ATAD2: variants seen among roughly 807,000 people sequenced by gnomAD.
The protein encoded by ATAD2 is ATPase family AAA domain-containing protein 2.
A neutral mutation model predicts 168.9 loss-of-function variants in ATAD2; 62 were observed. That is an observed-to-expected ratio of 0.37 (90% CI 0.30 to 0.45). The LOEUF is 0.45. ATAD2 is among the 20% of genes least tolerant of loss of function. The pLI is 1.00. For synonymous variants in ATAD2, 613 were observed against 571.6 expected, an observed-to-expected ratio of 1.07 and a Z score of -1.03; for missense variants, 1,419 against 1,667.8, an observed-to-expected ratio of 0.85 and a Z score of 2.60.
rs1258243769 is a variant in ATAD2, at chr8:123,323,083, G to A, written c.4003-17C>T. The A allele has an allele frequency of 1.9e-6, 3 of 1,599,656 alleles. No individual in the cohort carries two copies. Among genetic ancestry groups the A allele is most frequent in the South Asian group, 1.1e-5 (1 of 89,438 alleles). ...CAAAAGATTCTAAAAGAAAATATGA[G>A]TGTCAATATGTGTGAGAGAGAAACT... is the stretch of plus-strand genomic sequence containing the variant. On this transcript the variant is annotated splice_polypyrimidine_tract_variant and intron_variant, in intron 26 of 27. Transcript: ENST00000287394.
intron 13 of ATAD2, among the ~76,000 whole-genome samples, chr8:123,351,001 G>C (rs1273054982): frequency 6.6e-6 from 1 of 152,040 alleles, no homozygotes; most frequent in Non-Finnish European, 1.5e-5. Context: ...CTCCCAAAGT[G>C]CTGGGATTAC....
chr8:123,385,138 T>C (rs1438067291), intron 1 of ATAD2, among the ~76,000 whole-genome samples: 1 of 152,242 alleles, frequency 6.6e-6, no homozygotes, highest in Non-Finnish European at 1.5e-5. Context: ...TGAGTACCAT[T>C]ACAGCTATAC....
chr8:123,326,659 CAGAGCA>C (rs1827624701), intron 25 of ATAD2, among the ~76,000 whole-genome samples: 3 of 152,162 alleles, frequency 2.0e-5, no homozygotes, highest in East Asian at 3.9e-4. Context: ...GCCTGGATGA[CAGAGCA>C]AGACTCTGTC....
chr8:123,365,709 T>C (rs1476358177), intron 8 of ATAD2, among the ~76,000 whole-genome samples: 2 of 152,128 alleles, frequency 1.3e-5, no homozygotes, highest in Non-Finnish European at 2.9e-5. Context: ...GATAATTGGG[T>C]AGCCACATGT....
rs758934199 is a variant in ATAD2, at chr8:123,325,929, A to G, written c.3966T>C (p.Pro1322=). Residue 1322 remains proline (P), a synonymous_variant, in exon 26 of 28, where the codon CCT becomes CCC. Transcript: ENST00000287394. ...CATGATCCACAACAAGTGAGGGTGTAGGCTGAGAAAGAATTGCCAAAGCCT... is the reference window on the plus strand; with the variant it reads ...CATGATCCACAACAAGTGAGGGTGTGGGCTGAGAAAGAATTGCCAAAGCCT... ...VEKALAILSQ[P]TPSLVVDHER... is the part of the protein sequence containing the mutation. The G allele has an allele frequency of 4.3e-6, 7 of 1,614,186 alleles. No homozygotes were observed. The South Asian group carries it at 6.6e-5, about 15-fold the overall frequency.
chr8:123,328,650 C>T, intron 24 of ATAD2, 71 bp from the exon 25 acceptor site: 1 of 1,401,722 alleles, frequency 7.1e-7, no homozygotes, highest in Non-Finnish European at 9.5e-7. Context: ...AGTGAAAAAC[C>T]CTGATATATG....
chr8:123,354,982 T>G (rs763131280), intron 13 of ATAD2, among the ~76,000 whole-genome samples: 44 of 149,522 alleles, frequency 2.9e-4, no homozygotes, highest in Non-Finnish European at 1.0e-4. Context: ...CAGTAAGTAC[T>G]CAACTTACTT....
intron 17 of ATAD2, 141 bp from the exon 18 acceptor site, chr8:123,346,413 G>A: frequency 9.9e-7 from 1 of 1,006,892 alleles, no homozygotes; most frequent in Non-Finnish European, 1.4e-6. Context: ...CATAGTTTCT[G>A]GAAACTGACC....
chr8:123,334,283 G>C lies in ATAD2; in HGVS notation c.3251C>G (p.Thr1084Ser). ...IRHRACALRD[T>S]AYAIIKEELD... Reference sequence around the variant, plus strand: ...TTCTTCTTTAATTATGGCATAGGCAGTATCTCTTAAAGCACAGGCTCTATG... The same window carrying C: ...TTCTTCTTTAATTATGGCATAGGCACTATCTCTTAAAGCACAGGCTCTATG... The change falls in exon 23 of 28, where the codon ACT (threonine) becomes AGT (serine). Residue 1084 changes from threonine (T) to serine (S), a missense_variant. This residue lies in a region of ATAD2 where 545 missense variants were observed against 724.9 expected (regional missense o/e 0.75). Transcript: ENST00000287394. 6.3e-7 allele frequency: 1 copy of C among 1,598,100 alleles called. No homozygotes were observed. The highest frequency in any genetic ancestry group is 2.2e-5 in the East Asian group (1 of 44,764).
At chr8:123,383,193 C>A (rs537226965) in intron 1 of ATAD2, among the ~76,000 whole-genome samples, 37 of 152,024 alleles carry the variant, frequency 2.4e-4, no homozygotes, top group Admixed American at 9.2e-4. Flanking sequence ...CAGGGCCTTT[C>A]GGGGAGTGGG....
At chr8:123,359,131 T>C (rs1828734814) in intron 11 of ATAD2, 90 bp downstream of exon 11, 1 of 838,736 alleles carries the variant, frequency 1.2e-6, no homozygotes, top group Admixed American at 2.7e-5. Flanking sequence ...AACTATCACT[T>C]AAAAATGGGT....
At chr8:123,385,804 C>T (rs537418559) in intron 1 of ATAD2, among the ~76,000 whole-genome samples, 47 of 151,774 alleles carry the variant, frequency 3.1e-4, no homozygotes, top group African/African-American at 1.1e-3. Context: ...CATATATACA[C>T]GCATACATAT....
chr8:123,382,693 AAAC>A (rs1829526959), intron 1 of ATAD2, among the ~76,000 whole-genome samples: 1 of 152,378 alleles, frequency 6.6e-6, no homozygotes, highest in Admixed American at 6.5e-5. Context: ...AAAAGTCAAG[AAAC>A]AACAGATGCT....
chr8:123,333,433 G>T (rs1287648995), intron 24 of ATAD2, among the ~76,000 whole-genome samples: 2 of 140,764 alleles, frequency 1.4e-5, no homozygotes, highest in African/African-American at 2.6e-5. Context: ...AAAAAAAAAA[G>T]GGTAGTGAGG....
At chr8:123,336,272 T>C (rs1827910288) in intron 22 of ATAD2, 101 bp downstream of exon 22, 2 of 1,061,860 alleles carry the variant, frequency 1.9e-6, no homozygotes, top group East Asian at 2.9e-5. Context: ...TTAAATAGTA[T>C]TTTGATTATG....
intron 1 of ATAD2, among the ~76,000 whole-genome samples, chr8:123,408,941 G>C (rs1563873334): frequency 6.6e-6 from 1 of 151,658 alleles, no homozygotes; most frequent in Non-Finnish European, 1.5e-5. Flanking sequence ...GATTCTCGTG[G>C]CTCAGCCTCC....
intron 1 of ATAD2, chr8:123,401,488 C>G (rs964221494): frequency 1.9e-5 from 30 of 1,571,592 alleles, no homozygotes; most frequent in Non-Finnish European, 2.3e-5. Flanking sequence ...AACGTGGTGA[C>G]AGCAGCCCAG....
At chr8:123,410,143 A>G (rs1813132890) in intron 1 of ATAD2, among the ~76,000 whole-genome samples, 1 of 152,080 alleles carries the variant, frequency 6.6e-6, no homozygotes, top group African/African-American at 2.4e-5. Flanking sequence ...ATTTCACTGG[A>G]CACAGGTTTC....
chr8:123,364,216 T>TA (rs550049101), intron 8 of ATAD2, among the ~76,000 whole-genome samples: 1,684 of 148,008 alleles, frequency 0.011, 17 homozygotes, highest in Non-Finnish European at 0.018. Flanking sequence ...ACTTTACAGA[T>TA]AAAAAAAAAA....
Sources: gnomAD v4.1 joint callset for allele counts (sites outside exome capture counted in the v4.1 genomes callset) on GRCh38, gnomAD v4.1.1 for gene constraint, gnomAD v4.1.1 regional missense constraint, MANE v1.5 for transcripts, NCBI Gene and HGNC (gene_info 2026-07-23, HGNC 2026-07-21) for gene names.